The following CPLANE1 variants were observed in gnomAD, a reference collection of about 807,000 sequenced individuals.
CPLANE1 encodes the protein ciliogenesis and planar polarity effector 1.
Under a neutral mutation model 362.5 loss-of-function variants are expected in CPLANE1, and 263 were observed. That is an observed-to-expected ratio of 0.73 (90% confidence interval 0.66 to 0.80). The LOEUF (loss-of-function observed/expected upper bound fraction) is 0.80, where lower values mean the gene tolerates loss of function less well. Ranked by LOEUF, CPLANE1 falls within the 30% of genes least tolerant of loss-of-function variation. CPLANE1 has a pLI of 0.00. For missense variants in CPLANE1, 3,461 were observed against 3,793.4 expected, an observed-to-expected ratio of 0.91 and a Z score of 2.30; for synonymous variants, 1,212 against 1,302.6, an observed-to-expected ratio of 0.93 and a Z score of 1.50.
intron 51 of CPLANE1, 149 bp from the exon 52 acceptor site, chr5:37,108,620 A>T (rs560635369): frequency 1.4e-6 from 1 of 729,134 alleles, no homozygotes; most frequent in Admixed American, 3.0e-5. Flanking sequence ...TTCACTTTAG[A>T]GTTCGAACAA....
At chr5:37,085,671 C>T in the CPLANE1 span, 2 of 1,105,648 alleles carry the variant, frequency 1.8e-6, no homozygotes, top group Non-Finnish European at 2.8e-6. Context: ...CACCCTGGAT[C>T]TTTTGACGTG....
intron 5 of CPLANE1, 120 bp downstream of exon 5, chr5:37,244,255 C>A (rs559287211): frequency 8.5e-5 from 51 of 602,060 alleles, no homozygotes; most frequent in Admixed American, 5.4e-4. Flanking sequence ...ATAAAAATAT[C>A]TTTTCCATAC....
intron 8 of CPLANE1, among the ~76,000 whole-genome samples, chr5:37,233,493 A>T (rs1798211909): frequency 6.6e-6 from 1 of 151,854 alleles, no homozygotes; most frequent in Non-Finnish European, 1.5e-5. Context: ...GTCACCACCC[A>T]ACTCAGGGAA....
chr5:37,076,061 T>C, the CPLANE1 span, among the ~76,000 whole-genome samples: 1 of 151,934 alleles, frequency 6.6e-6, no homozygotes, highest in East Asian at 1.9e-4. Context: ...TGAGGCAACA[T>C]AGTGAAACCC....
intron 14 of CPLANE1, among the ~76,000 whole-genome samples, chr5:37,223,198 G>A (rs1795725224): frequency 6.6e-6 from 1 of 152,052 alleles, no homozygotes; most frequent in Admixed American, 6.5e-5. Context: ...GGCCTTTTTG[G>A]TTTTGGAACA....
At chr5:37,245,904 C>A in intron 2 of CPLANE1, 59 bp from the exon 3 acceptor site, 1 of 1,388,592 alleles carries the variant, frequency 7.2e-7, no homozygotes. Flanking sequence ...CAACTTACTG[C>A]CTAAATAAAT....
rs188147614 is a variant in CPLANE1 at position 37,177,719 on chromosome 5, C to T, written c.5821-19G>A. ...TGAACTCCTGTTAAAATGAATAGTA[C>T]CCAAAAAGAAAACAGGTAAAACAAA... is the stretch of plus-strand genomic sequence containing the variant. On this transcript the variant is annotated intron_variant, in intron 29 of 52. Coordinates refer to ENST00000651892, the MANE Select transcript of CPLANE1 (RefSeq NM_001384732.1). The T allele has an allele frequency of 2.3e-4, 363 of 1,592,832 alleles. No individual in the cohort carries two copies. Among genetic ancestry groups the T allele is most frequent in the Non-Finnish European group, 2.6e-4 (297 of 1,163,088 alleles).
chr5:37,178,862 G>C (rs989200251), intron 29 of CPLANE1, among the ~76,000 whole-genome samples: 16 of 151,980 alleles, frequency 1.1e-4, no homozygotes, highest in African/African-American at 3.9e-4. Context: ...GGAGTCAAAT[G>C]ATCCTCTCAC....
intron 50 of CPLANE1, among the ~76,000 whole-genome samples, chr5:37,116,639 A>G (rs1258081884): frequency 6.6e-6 from 1 of 151,986 alleles, no homozygotes; most frequent in Non-Finnish European, 1.5e-5. Context: ...AAATTTCCTA[A>G]CAGTATGGAA....
At chr5:37,184,659 C>A (rs1257268772) in intron 25 of CPLANE1, 129 bp downstream of exon 25, 2 of 684,704 alleles carry the variant, frequency 2.9e-6, no homozygotes, top group Admixed American at 3.0e-5. Flanking sequence ...GAGGGGGTGG[C>A]ACTTATCATT....
chr5:37,158,798 T>C (rs1775952363), intron 38 of CPLANE1, among the ~76,000 whole-genome samples: 2 of 151,768 alleles, frequency 1.3e-5, no homozygotes, highest in African/African-American at 4.8e-5. Flanking sequence ...ACATTTTTTT[T>C]TTTTTTTTGA....
chr5:37,112,462 C>T (rs528007050), intron 51 of CPLANE1, among the ~76,000 whole-genome samples: 98 of 152,234 alleles, frequency 6.4e-4, no homozygotes, highest in Admixed American at 1.2e-3. Flanking sequence ...TGTACCTGCC[C>T]CACTGGACAG....
intron 42 of CPLANE1, among the ~76,000 whole-genome samples, chr5:37,150,614 A>T (rs1773242933): frequency 1.3e-5 from 2 of 152,102 alleles, no homozygotes; most frequent in South Asian, 4.1e-4. Flanking sequence ...ACCACTGTGA[A>T]TCTCTGTTGT....
intron 44 of CPLANE1, chr5:37,140,212 A>G: frequency 1.1e-6 from 1 of 885,618 alleles, no homozygotes; most frequent in Non-Finnish European, 1.4e-6. Context: ...GAATTAATAT[A>G]GGGAAAAGTG....
In CPLANE1 at chr5:37,183,563, C is replaced by A. The variant is rs370310194; in HGVS notation, c.4618G>T (p.Val1540Phe). ...LSQNTLPVIG[V>F]WEFERDDDEY... The stretch of plus-strand genomic sequence containing the variant: ...TCATCATCACGTTCAAATTCCCAAA[C>A]ACCTATTACAGGAAGTGTATTTTGT... Residue 1540 changes from valine to phenylalanine, a missense_variant, in exon 26 of 53, where the codon GTT (valine) becomes TTT (phenylalanine). Val to Phe is a conservative substitution (Grantham distance 50). Around this residue, in one of 2 missense-constraint regions of CPLANE1, gnomAD observed 3,380 missense variants for 3,666.1 expected, o/e 0.92. Transcript: ENST00000651892. The A allele has an allele frequency of 1.9e-6, 3 of 1,613,174 alleles. No individual in the cohort carries two copies. The highest frequency in any genetic ancestry group is 2.5e-6 in the Non-Finnish European group (3 of 1,179,458).
At chr5:37,232,300 G>A (rs1797888155) in intron 8 of CPLANE1, among the ~76,000 whole-genome samples, 2 of 151,982 alleles carry the variant, frequency 1.3e-5, no homozygotes, top group African/African-American at 4.8e-5. Flanking sequence ...GGTGGATCAC[G>A]AGGTCAGGAA....
At chr5:37,245,958 G>T in intron 2 of CPLANE1, 113 bp from the exon 3 acceptor site, 2 of 1,052,700 alleles carry the variant, frequency 1.9e-6, no homozygotes, top group Non-Finnish European at 2.6e-6. Flanking sequence ...TTATCCATTT[G>T]TACCACAAAT....
chr5:37,177,270 A>G (rs1781438461), intron 30 of CPLANE1, among the ~76,000 whole-genome samples: 1 of 152,214 alleles, frequency 6.6e-6, no homozygotes, highest in Non-Finnish European at 1.5e-5. Context: ...TACATAAAAT[A>G]ATTTATAATC....
rs142316931 is a variant in CPLANE1, at chr5:37,142,468, G to A, written c.8474C>T (p.Thr2825Ile). Residue 2825 changes from threonine to isoleucine, a missense_variant, in exon 44 of 53, where the codon ACC becomes ATC. Physicochemically the swap from Thr to Ile is moderately conservative, Grantham distance 89 (BLOSUM62 -1). Around this residue, in one of 2 missense-constraint regions of CPLANE1, gnomAD observed 3,380 missense variants for 3,666.1 expected, o/e 0.92. Transcript: ENST00000651892. ...ACTTTGATCTTCTTCATCCATATGG[G>A]TCAAAAAACGCACTAATCCAGAGTA... is the stretch of plus-strand genomic sequence containing the variant. ...ISISEEVRFL[T>I]HMDEEDQSDK... 96 of 1,584,802 alleles carry A rather than the reference G, an allele frequency of 6.1e-5. 1 individual carries two copies. Among genetic ancestry groups the A allele is most frequent in the Admixed American group, 2.9e-4 (16 of 54,366 alleles).
Sources: gnomAD v4.1 joint callset for allele counts (sites outside exome capture counted in the v4.1 genomes callset) on GRCh38, gnomAD v4.1.1 for gene constraint, gnomAD v4.1.1 regional missense constraint, MANE v1.5 for transcripts, NCBI Gene and HGNC (gene_info 2026-07-23, HGNC 2026-07-21) for gene names.